Variants in PDE8B observed in about 807,000 individuals in gnomAD.
The protein encoded by PDE8B is high affinity cAMP-specific and IBMX-insensitive 3',5'-cyclic phosphodiesterase 8B.
In PDE8B, 26 loss-of-function variants were observed where a neutral mutation model predicts 101.3. That is an observed-to-expected ratio of 0.26 (90% CI 0.19 to 0.36). PDE8B has a LOEUF of 0.36. Ranked by LOEUF, PDE8B falls within the 10% of genes least tolerant of loss-of-function variation. PDE8B has a pLI of 1.00. For synonymous variants in PDE8B, 424 were observed against 429.3 expected, an observed-to-expected ratio of 0.99 and a Z score of 0.15; for missense variants, 810 against 1,163.1, an observed-to-expected ratio of 0.70 and a Z score of 4.42.
At chr5:77,101,571 C>T in the PDE8B span, among the ~76,000 whole-genome samples, 2 of 152,138 alleles carry the variant, frequency 1.3e-5, no homozygotes, top group Non-Finnish European at 2.9e-5. Flanking sequence ...GGATCTCTCC[C>T]TCACCTAAGT....
the PDE8B span, among the ~76,000 whole-genome samples, chr5:77,102,795 G>A: frequency 5.1e-3 from 770 of 152,266 alleles, 6 homozygotes; most frequent in Non-Finnish European, 6.1e-3. Context: ...TGCCAGCCAC[G>A]CCTAGGCTCC....
intron 10 of PDE8B, 80 bp downstream of exon 10, chr5:77,353,486 C>A: frequency 1.2e-6 from 1 of 847,398 alleles, no homozygotes; most frequent in Non-Finnish European, 2.1e-6. Flanking sequence ...CACCACTGTT[C>A]TCTGCTTGTC....
chr5:77,335,564 T>TGTGTGTGAGA (rs777358989), intron 5 of PDE8B, among the ~76,000 whole-genome samples: 1 of 99,894 alleles, frequency 1.0e-5, no homozygotes, highest in African/African-American at 3.3e-5. Context: ...TGTGTGTGTG[T>TGTGTGTGAGA]GAGAGAGAGA....
intron 1 of PDE8B, among the ~76,000 whole-genome samples, chr5:77,294,610 G>GA (rs1768104677): frequency 6.6e-6 from 1 of 150,830 alleles, no homozygotes; most frequent in Non-Finnish European, 1.5e-5. Flanking sequence ...TTAGACAACA[G>GA]AAAAATATGA....
chr5:77,120,315 A>G, the PDE8B span, among the ~76,000 whole-genome samples: 1 of 152,240 alleles, frequency 6.6e-6, no homozygotes, highest in Admixed American at 6.5e-5. Flanking sequence ...ATGTTCCTCT[A>G]CATCTTCAAA....
At chr5:77,114,927 A>T in the PDE8B span, 1 of 152,232 alleles carries the variant, frequency 6.6e-6, no homozygotes, top group Non-Finnish European at 1.5e-5. Flanking sequence ...AGAGGCACAT[A>T]ACTCATTAAT....
At chr5:77,385,555 T>C (rs1178710827) in intron 10 of PDE8B, among the ~76,000 whole-genome samples, 1 of 152,104 alleles carries the variant, frequency 6.6e-6, no homozygotes, top group African/African-American at 2.4e-5. Context: ...GTTCTTTTAA[T>C]TGTGATGTTA....
intron 10 of PDE8B, among the ~76,000 whole-genome samples, chr5:77,360,446 C>T (rs562089642): frequency 3.3e-5 from 5 of 152,212 alleles, no homozygotes; most frequent in Admixed American, 6.5e-5. Context: ...GGTGTTAGCA[C>T]TCTATGGAAA....
the PDE8B span, among the ~76,000 whole-genome samples, chr5:77,125,192 C>T: frequency 6.6e-6 from 1 of 152,092 alleles, no homozygotes; most frequent in Non-Finnish European, 1.5e-5. Context: ...TGTAGGGATA[C>T]ATTCTTTCTA....
intron 10 of PDE8B, among the ~76,000 whole-genome samples, chr5:77,357,416 T>C: frequency 6.6e-6 from 1 of 152,146 alleles, no homozygotes; most frequent in Admixed American, 6.5e-5. Flanking sequence ...CTCCCCTAAT[T>C]AAAATGACCT....
intron 1 of PDE8B, among the ~76,000 whole-genome samples, chr5:77,280,587 T>G (rs1186144140): frequency 6.6e-6 from 1 of 152,192 alleles, no homozygotes; most frequent in African/African-American, 2.4e-5. Flanking sequence ...CCTAATCTCT[T>G]TACTGTTGGG....
chr5:77,154,663 T>C, the PDE8B span, among the ~76,000 whole-genome samples: 2 of 152,156 alleles, frequency 1.3e-5, no homozygotes, highest in South Asian at 2.1e-4. Flanking sequence ...AGCATCATCA[T>C]CTCCCAGATG....
chr5:77,107,184 G>A, the PDE8B span, among the ~76,000 whole-genome samples: 2 of 152,166 alleles, frequency 1.3e-5, no homozygotes, highest in Non-Finnish European at 2.9e-5. Context: ...AGTTTGCTGA[G>A]AATGATGGTT....
At chr5:77,341,983 C>A (rs1055146717) in intron 6 of PDE8B, among the ~76,000 whole-genome samples, 10 of 152,160 alleles carry the variant, frequency 6.6e-5, no homozygotes, top group African/African-American at 2.4e-4. Context: ...TTACTTGTTA[C>A]ACTTACCTTC....
At chr5:77,266,896 C>T (rs1378343605) in intron 1 of PDE8B, among the ~76,000 whole-genome samples, 1 of 150,530 alleles carries the variant, frequency 6.6e-6, no homozygotes, top group Non-Finnish European at 1.5e-5. Flanking sequence ...TTTCATTCAA[C>T]AAATTATGAA....
intron 10 of PDE8B, among the ~76,000 whole-genome samples, chr5:77,386,591 G>T (rs1300704450): frequency 6.6e-6 from 1 of 152,046 alleles, no homozygotes; most frequent in Non-Finnish European, 1.5e-5. Flanking sequence ...CAGAGACTAG[G>T]ATTGCAACCC....
intron 1 of PDE8B, among the ~76,000 whole-genome samples, chr5:77,307,259 A>G (rs1156708688): frequency 6.6e-6 from 1 of 151,758 alleles, no homozygotes; most frequent in Non-Finnish European, 1.5e-5. Flanking sequence ...TCCTTCCCCA[A>G]CCCAGTATCT....
upstream of PDE8B, among the ~76,000 whole-genome samples, chr5:77,206,994 T>A (rs926094557): frequency 1.3e-5 from 2 of 152,232 alleles, no homozygotes; most frequent in African/African-American, 2.4e-5. Flanking sequence ...TTGCTCAAGG[T>A]TACACAGCCA....
chr5:77,291,200 T>C, intron 1 of PDE8B: 1 of 1,611,054 alleles, frequency 6.2e-7, no homozygotes, highest in Admixed American at 1.7e-5. Flanking sequence ...TGTTTGTACA[T>C]GAAAGCATCC....
Sources: allele counts gnomAD v4.1 joint callset (sites outside exome capture counted in the v4.1 genomes callset), GRCh38; gene constraint gnomAD v4.1.1; transcripts MANE v1.5; gene names NCBI Gene and HGNC (gene_info 2026-07-23, HGNC 2026-07-21).